LARGE1: variants seen among roughly 807,000 people sequenced by gnomAD.
LARGE1 encodes the protein xylosyl- and glucuronyltransferase LARGE1.
Under a neutral mutation model 87.6 loss-of-function variants are expected in LARGE1, and 43 were observed. That is an observed-to-expected ratio of 0.49 (90% CI 0.38 to 0.63). The LOEUF is 0.63. LARGE1 is among the 30% of genes least tolerant of loss of function. LARGE1 has a pLI of 0.00. For synonymous variants in LARGE1, 434 were observed against 394.6 expected (o/e 1.10, Z -1.18); for missense variants, 802 against 1,000.2 (o/e 0.80, Z 2.67).
chr22:33,720,825 G>C (rs1314596829), intron 2 of LARGE1, among the ~76,000 whole-genome samples: 1 of 152,168 alleles, frequency 6.6e-6, no homozygotes, highest in Non-Finnish European at 1.5e-5. Flanking sequence ...CTGGTCTGCT[G>C]ATCTGGTGTC....
At chr22:33,404,181 G>A (rs555801958) in intron 7 of LARGE1, among the ~76,000 whole-genome samples, 3 of 152,290 alleles carry the variant, frequency 2.0e-5, no homozygotes, top group African/African-American at 4.8e-5. Flanking sequence ...AGTGGTCAGC[G>A]AAGACTTTTC....
chr22:33,496,685 G>A (rs1333815555), intron 6 of LARGE1, among the ~76,000 whole-genome samples: 1 of 152,138 alleles, frequency 6.6e-6, no homozygotes, highest in African/African-American at 2.4e-5. Flanking sequence ...AATGAACTAC[G>A]CTATCGTTTT....
intron 1 of LARGE1, among the ~76,000 whole-genome samples, chr22:33,819,992 GC>G (rs1404129630): frequency 6.6e-6 from 1 of 152,192 alleles, no homozygotes; most frequent in Non-Finnish European, 1.5e-5. Flanking sequence ...TCTAGAGCTT[GC>G]ATGTGGATGG....
chr22:33,700,697 C>G lies in LARGE1; in HGVS notation c.107-50029G>C, dbSNP rs527843684. Among the ~76,000 whole-genome samples the G allele has an allele frequency of 3.3e-5, 5 of 152,180 alleles. 1 individual carries two copies. In the South Asian group the frequency reaches 1.0e-3, roughly 32 times the overall value. On this transcript the variant is annotated intron_variant, in intron 2 of 14. Transcript: ENST00000397394. ...GCCTGGAGGCGGTGTCTGAGCTGGC[C>G]TTGAAGAGTGAGTAGGAAACCCATA...
At chr22:33,131,033 CA>C in the LARGE1 span, among the ~76,000 whole-genome samples, 1,193 of 70,770 alleles carry the variant, frequency 0.017, 13 homozygotes, top group Admixed American at 0.022. Context: ...GACTCCGTCT[CA>C]AAAAAAAAAA....
chr22:33,166,814 G>A (rs1215487905), exon 12 of LARGE1: 6 of 471,472 alleles, frequency 1.3e-5, no homozygotes, highest in South Asian at 9.3e-5. Context: ...TGGGAGATAG[G>A]GTCTGGCTAA....
Position 33,515,540 on chromosome 22 carries a change from C to G in LARGE1, c.787+49308G>C, listed in dbSNP as rs574917867. Among the ~76,000 whole-genome samples the G allele has an allele frequency of 5.3e-5, 8 of 152,282 alleles. No individual in the cohort carries two copies. The East Asian group carries it at 1.5e-3, about 29-fold the overall frequency. ...ATTTTCACAGGGAGCAGAAAATAGA[C>G]AGCCAGGACGATCTTTCCCAGAACA... On this transcript the variant is annotated intron_variant, in intron 6 of 14. Coordinates refer to ENST00000397394, the MANE Select transcript of LARGE1 (RefSeq NM_133642.5).
At chr22:33,703,176 C>G (rs968922598) in intron 2 of LARGE1, among the ~76,000 whole-genome samples, 33 of 152,064 alleles carry the variant, frequency 2.2e-4, no homozygotes, top group Non-Finnish European at 7.4e-5. Context: ...GAACATCACA[C>G]ACCAGGGCCT....
chr22:33,307,636 G>A (rs1315798957), intron 11 of LARGE1, among the ~76,000 whole-genome samples: 2 of 152,174 alleles, frequency 1.3e-5, no homozygotes. Context: ...ATACAGATAA[G>A]GGGCCTGGGC....
chr22:33,516,634 G>C (rs891315816), intron 6 of LARGE1, among the ~76,000 whole-genome samples: 1 of 142,582 alleles, frequency 7.0e-6, no homozygotes, highest in Middle Eastern at 3.6e-3. Flanking sequence ...CTGCCATCAG[G>C]CTGGAGTGCA....
At chr22:33,205,303 C>G (rs1042147223) in intron 11 of LARGE1, among the ~76,000 whole-genome samples, 6 of 152,180 alleles carry the variant, frequency 3.9e-5, no homozygotes, top group Non-Finnish European at 8.8e-5. Context: ...TGAGAGACTG[C>G]TATGTGCCAG....
chr22:33,330,993 T>A (rs73401424), intron 10 of LARGE1, among the ~76,000 whole-genome samples: 1 of 152,196 alleles, frequency 6.6e-6, no homozygotes, highest in African/African-American at 2.4e-5. Flanking sequence ...TCTCAGAGAC[T>A]CTACAGGTTC....
chr22:33,192,207 A>G, intron 11 of LARGE1, among the ~76,000 whole-genome samples: 1 of 152,214 alleles, frequency 6.6e-6, no homozygotes, highest in East Asian at 1.9e-4. Flanking sequence ...TCATCAGTAA[A>G]AGGAATTATT....
In LARGE1 at chr22:33,189,268, G is replaced by C. The variant is rs912246588; in HGVS notation, c.1731-22436C>G. ...GGCAAATGCATACAATGCTGGCTTT[G>C]TCGTCCCAGAATGAAGTCCCCCATG... On this transcript the variant is annotated intron_variant, in intron 11 of 11. Transcript: ENST00000608642. Among the ~76,000 whole-genome samples the C allele has an allele frequency of 1.1e-4, 16 of 152,288 alleles. No homozygotes were observed. The East Asian group carries it at 2.7e-3, about 26-fold the overall frequency.
intron 1 of LARGE1, among the ~76,000 whole-genome samples, chr22:33,858,440 C>G (rs985599211): frequency 2.6e-5 from 4 of 151,590 alleles, no homozygotes; most frequent in Non-Finnish European, 4.4e-5. Context: ...ATTGCTGGCT[C>G]GAATGCCTGG....
At chr22:33,080,421 G>A in the LARGE1 span, among the ~76,000 whole-genome samples, 1 of 152,188 alleles carries the variant, frequency 6.6e-6, no homozygotes, top group Non-Finnish European at 1.5e-5. Context: ...TTCACCCCAG[G>A]ATGCAGGCTA....
At chr22:33,514,586 G>A (rs1303296081) in intron 6 of LARGE1, among the ~76,000 whole-genome samples, 2 of 152,196 alleles carry the variant, frequency 1.3e-5, no homozygotes, top group Non-Finnish European at 2.9e-5. Context: ...TGCAGGAGAT[G>A]TGCATAGATT....
intron 5 of LARGE1, among the ~76,000 whole-genome samples, chr22:33,566,797 A>G (rs1332144465): frequency 6.6e-6 from 1 of 152,168 alleles, no homozygotes; most frequent in African/African-American, 2.4e-5. Context: ...TGTGTTTACA[A>G]TCCTTTAGCT....
At chr22:33,094,604 T>C in the LARGE1 span, among the ~76,000 whole-genome samples, 2 of 152,190 alleles carry the variant, frequency 1.3e-5, no homozygotes, top group Non-Finnish European at 2.9e-5. Context: ...TTTCTTTTTT[T>C]TTTTTGATTA....
Sources: gnomAD v4.1 joint callset for allele counts (sites outside exome capture counted in the v4.1 genomes callset) on GRCh38, gnomAD v4.1.1 for gene constraint, MANE v1.5 for transcripts, NCBI Gene and HGNC (gene_info 2026-07-23, HGNC 2026-07-21) for gene names.